The following SPAG17 variants were observed in gnomAD, a reference collection of about 807,000 sequenced individuals.
SPAG17 encodes sperm-associated antigen 17.
Under a neutral mutation model 273.6 loss-of-function variants are expected in SPAG17, and 169 were observed. That is an observed-to-expected ratio of 0.62 (90% CI 0.55 to 0.70). SPAG17 has a LOEUF of 0.70. Among genes scored for constraint, SPAG17 ranks in the 30% least tolerant of loss-of-function variants. The pLI is 0.00. For missense variants in SPAG17, 2,557 were observed against 2,627.8 expected (o/e 0.97, Z 0.59); for synonymous variants, 825 against 873.2 (o/e 0.94, Z 0.97).
chr1:118,076,407 G>C (rs542758926), intron 15 of SPAG17: 1 of 152,192 alleles, frequency 6.6e-6, no homozygotes, highest in South Asian at 2.1e-4. Flanking sequence ...TGATTTAGGG[G>C]AAAACCATAC....
Position 118,054,072 on chromosome 1 carries a change from G to T in SPAG17, c.2744C>A (p.Thr915Lys). The change falls in exon 20 of 49, where the codon ACA (threonine) becomes AAA (lysine). Residue 915 changes from threonine (T) to lysine (K), a missense_variant. Coordinates refer to ENST00000336338, the MANE Select transcript of SPAG17 (RefSeq NM_206996.4). ...ESKSNKGISK[T>K]EISDQEKEKE... Reference sequence around the variant, plus strand: ...TTCTTTTTCTTGATCTGATATCTCTGTTTTGCTGATTCCTTTGTTACCTAT... The same window carrying T: ...TTCTTTTTCTTGATCTGATATCTCTTTTTTGCTGATTCCTTTGTTACCTAT... The T allele has an allele frequency of 6.2e-7, 1 of 1,604,386 alleles. No individual in the cohort carries two copies. The highest frequency in any genetic ancestry group is 8.5e-7 in the Non-Finnish European group (1 of 1,174,314).
At position 118,185,097 on chromosome 1, in the gene SPAG17, A is replaced by C. The variant is rs139383446; in HGVS notation, c.61T>G (p.Ser21Ala). ...TGATTGAACTGTGCAGCTATGAGCG[A>C]GGGTTCCCATATCTTAGAACTGGTG... ...VNTSSKIWEP[S>A]LIAAQFNQND... is the part of the protein sequence containing the mutation. Residue 21 changes from serine to alanine, a missense_variant, in exon 1 of 49, where the codon TCG (serine) becomes GCG (alanine). By Grantham distance (99) the Ser-to-Ala change is moderately conservative (BLOSUM62 1). Transcript: ENST00000336338. The C allele has an allele frequency of 4.1e-4, 663 of 1,614,180 alleles. 1 individual carries two copies. The highest frequency in any genetic ancestry group is 2.0e-3 in the Middle Eastern group (12 of 6,060).
At chr1:117,967,890 G>A (rs1004350237) in intron 46 of SPAG17, among the ~76,000 whole-genome samples, 17 of 152,196 alleles carry the variant, frequency 1.1e-4, no homozygotes, top group South Asian at 2.1e-4. Flanking sequence ...CACATGAAAA[G>A]CAATTAGATA....
At chr1:118,037,228 A>G (rs1649183867) in intron 23 of SPAG17, among the ~76,000 whole-genome samples, 1 of 152,330 alleles carries the variant, frequency 6.6e-6, no homozygotes, top group African/African-American at 2.4e-5. Flanking sequence ...ATTTTAAAAC[A>G]TTTTCTTAAA....
chr1:117,992,576 T>A lies in SPAG17; in HGVS notation c.5251A>T (p.Ser1751Cys). 6.2e-7 allele frequency: 1 copy of A among 1,613,742 alleles called. No individual in the cohort carries two copies. Among genetic ancestry groups the A allele is most frequent in the Non-Finnish European group, 8.5e-7 (1 of 1,179,836 alleles). ...GLCIESKQLV[S>C]APGAILKSPS... ...CTCTTGAGTATGGCACCCGGGGCAC[T>A]CACTAGCTGTTTGGACTCAATGCAA... Residue 1751 changes from serine (S) to cysteine (C), a missense_variant, in exon 36 of 49, where the codon AGT (serine) becomes TGT (cysteine). Coordinates refer to ENST00000336338, the MANE Select transcript of SPAG17 (RefSeq NM_206996.4).
At chr1:118,061,936 G>T (rs1347926937) in intron 18 of SPAG17, among the ~76,000 whole-genome samples, 2 of 152,120 alleles carry the variant, frequency 1.3e-5, no homozygotes, top group African/African-American at 4.8e-5. Context: ...AAATTAGGTG[G>T]TTGAAATCAA....
chr1:118,047,861 C>T (rs2101961979), intron 20 of SPAG17, among the ~76,000 whole-genome samples: 1 of 152,296 alleles, frequency 6.6e-6, no homozygotes, highest in Admixed American at 6.5e-5. Context: ...CCAGGCCAAC[C>T]CCTGTGGCAC....
At chr1:117,954,576 AT>A in intron 48 of SPAG17, 8 of 1,612,462 alleles carry the variant, frequency 5.0e-6, no homozygotes, top group Non-Finnish European at 6.8e-6. Context: ...TAATTTCTTC[AT>A]AGGTTCCACT....
Position 118,150,644 on chromosome 1 carries a change from A to AGG in SPAG17, c.229-16_229-15insCC. 2.2e-6 allele frequency: 3 copies of AGG among 1,374,940 alleles called. No homozygotes were observed. Among genetic ancestry groups the AGG allele is most frequent in the Non-Finnish European group, 3.0e-6 (3 of 983,684 alleles). The allele number at this position is 1,374,940 out of a possible 1,614,324, so 85.2% of individuals were successfully genotyped here. A position where few individuals can be genotyped will look rare whatever the true frequency, so the allele number is the denominator to read the frequency against. ...ATTTCATTAATCTGTAAGAAAATTA[A>AGG]ATTTACTTATGATGAAAAAAGCCTT... On this transcript the variant is annotated splice_polypyrimidine_tract_variant and intron_variant, in intron 2 of 48. Transcript: ENST00000336338.
At chr1:118,158,387 G>A (rs921885019) in intron 1 of SPAG17, among the ~76,000 whole-genome samples, 12 of 152,146 alleles carry the variant, frequency 7.9e-5, no homozygotes, top group Non-Finnish European at 1.8e-4. Context: ...GCCATACAGA[G>A]GACTAGGGGA....
At position 118,091,707 on chromosome 1, in the gene SPAG17, T is replaced by A; in HGVS notation, c.1258A>T (p.Ile420Phe). ...TATCTCATGTCTACTTCAGTTGTGATGACTGAAGTCACTGTAAAATATAGA... is the reference window on the plus strand; with the variant it reads ...TATCTCATGTCTACTTCAGTTGTGAAGACTGAAGTCACTGTAAAATATAGA... ...PQAPPPVTSVITTEVDMRYYN... is the reference protein window; with the variant it reads ...PQAPPPVTSVFTTEVDMRYYN... Residue 420 changes from isoleucine to phenylalanine, a missense_variant, in exon 10 of 49, where the codon ATC (isoleucine) becomes TTC (phenylalanine). Physicochemically the swap from Ile to Phe is conservative, Grantham distance 21. Coordinates refer to ENST00000336338, the MANE Select transcript of SPAG17 (RefSeq NM_206996.4). 4 of 1,587,908 alleles carry A rather than the reference T, an allele frequency of 2.5e-6. No homozygotes were observed. The highest frequency in any genetic ancestry group is 2.6e-6 in the Non-Finnish European group (3 of 1,156,826).
At chr1:118,070,188 A>G (rs1653442329) in intron 17 of SPAG17, among the ~76,000 whole-genome samples, 1 of 152,182 alleles carries the variant, frequency 6.6e-6, no homozygotes, top group Non-Finnish European at 1.5e-5. Flanking sequence ...GGAATTTTAG[A>G]AGCTGGAAAG....
At chr1:118,182,344 C>A (rs1312884699) in intron 1 of SPAG17, among the ~76,000 whole-genome samples, 1 of 152,084 alleles carries the variant, frequency 6.6e-6, no homozygotes. Context: ...CTAAGGTTAA[C>A]ACTTCTTCCT....
Position 118,093,210 on chromosome 1 carries a change from A to T in SPAG17, c.1119T>A (p.Asn373Lys), listed in dbSNP as rs1297815343. 1.9e-6 allele frequency: 3 copies of T among 1,613,784 alleles called. No homozygotes were observed. Among genetic ancestry groups the T allele is most frequent in the Non-Finnish European group, 2.5e-6 (3 of 1,179,792 alleles). Reference sequence around the variant, plus strand: ...GTTTCTCATTAACCACTTGTGGAACATTAATAAGCTGCATGCTTTCCAAAT... The same window carrying T: ...GTTTCTCATTAACCACTTGTGGAACTTTAATAAGCTGCATGCTTTCCAAAT... ...QHYLESMQLI[N>K]VPQVVNEKPV... The change falls in exon 8 of 49, where the codon AAT becomes AAA. Residue 373 changes from asparagine (N) to lysine (K), a missense_variant. Asn to Lys is a moderately conservative substitution (Grantham distance 94). Coordinates refer to ENST00000336338, the MANE Select transcript of SPAG17 (RefSeq NM_206996.4).
intron 1 of SPAG17, among the ~76,000 whole-genome samples, chr1:118,179,225 TA>T (rs1660829566): frequency 6.6e-6 from 1 of 151,864 alleles, no homozygotes; most frequent in Non-Finnish European, 1.5e-5. Flanking sequence ...GGGACTCACA[TA>T]AAAATGGACA....
At chr1:118,156,043 C>T (rs1368925222) in intron 1 of SPAG17, among the ~76,000 whole-genome samples, 5 of 152,292 alleles carry the variant, frequency 3.3e-5, no homozygotes, top group African/African-American at 1.2e-4. Flanking sequence ...ATACTATTAA[C>T]GACCATGCTA....
chr1:118,062,689 AT>A (rs1310590287), intron 18 of SPAG17, among the ~76,000 whole-genome samples: 1 of 152,116 alleles, frequency 6.6e-6, no homozygotes, highest in Non-Finnish European at 1.5e-5. Flanking sequence ...TTTTTTAAAA[AT>A]GTTTTTTCCC....
chr1:118,175,312 G>A (rs1660640222), intron 1 of SPAG17, among the ~76,000 whole-genome samples: 1 of 152,132 alleles, frequency 6.6e-6, no homozygotes, highest in Admixed American at 6.5e-5. Context: ...TCACAGGCGT[G>A]AGCCACTGCG....
intron 38 of SPAG17, among the ~76,000 whole-genome samples, chr1:117,989,740 TA>T (rs1656862153): frequency 6.6e-6 from 1 of 152,034 alleles, no homozygotes; most frequent in African/African-American, 2.4e-5. Context: ...TACACCTGAC[TA>T]ATTTTTTTTT....
Sources: gnomAD v4.1 joint callset for allele counts (sites outside exome capture counted in the v4.1 genomes callset) on GRCh38, gnomAD v4.1.1 for gene constraint, MANE v1.5 for transcripts, NCBI Gene and HGNC (gene_info 2026-07-23, HGNC 2026-07-21) for gene names.